The following SLC25A35 variants were observed in gnomAD, a reference collection of about 807,000 sequenced individuals.
SLC25A35 encodes solute carrier family 25, member 35.
Under a neutral mutation model 30.5 loss-of-function variants are expected in SLC25A35, and 32 were observed. The ratio of observed to expected loss-of-function variants is 1.05; its 90% CI spans 0.79 to 1.41. The LOEUF (loss-of-function observed/expected upper bound fraction) is 1.41. SLC25A35 is among the 40% of genes most tolerant of loss of function. The pLI, the probability that SLC25A35 is intolerant of heterozygous loss-of-function variation, is 0.00. For missense variants in SLC25A35, 369 were observed against 388.0 expected, an observed-to-expected ratio of 0.95 and a Z score of 0.41; for synonymous variants, 142 against 158.1, an observed-to-expected ratio of 0.90 and a Z score of 0.77.
downstream of SLC25A35, chr17:8,289,113 G>C (rs751803347): frequency 1.4e-5 from 22 of 1,606,656 alleles, no homozygotes; most frequent in Non-Finnish European, 1.9e-5. Flanking sequence ...CAGGGGCGGG[G>C]TCGGACCAGT....
chr17:8,289,560 G>T, downstream of SLC25A35: 1 of 1,613,718 alleles, frequency 6.2e-7, no homozygotes, highest in Non-Finnish European at 8.5e-7. Context: ...GTACCAGACT[G>T]ATCTCTTGCT....
In SLC25A35 at chr17:8,291,414, G is replaced by C. The variant is rs1347569559; in HGVS notation, c.513C>G (p.Gly171=). 2 of 1,614,178 alleles carry C rather than the reference G, an allele frequency of 1.2e-6. No homozygotes were observed. Among genetic ancestry groups the C allele is most frequent in the Admixed American group, 3.3e-5 (2 of 60,028 alleles). Residue 171 remains glycine (G), a synonymous_variant, in exon 3 of 5, where the codon GGC becomes GGG. Transcript: ENST00000577745. ...AACCGACGATAACTCGGGGCAGGCC[G>C]CCCAGAGCCCCACGCCATAACCCCA... The part of the protein sequence containing the change: ...GLVGLWRGAL[G]GLPRVIVGSS...
downstream of SLC25A35, chr17:8,289,078 G>A (rs762656956): frequency 1.5e-5 from 25 of 1,613,118 alleles, no homozygotes; most frequent in Non-Finnish European, 2.0e-5. Context: ...GCGCGGTGAG[G>A]GAATGGCCCC....
At chr17:8,288,845 C>T (rs1990241654), downstream of SLC25A35, 16 of 1,614,240 alleles carry the variant, frequency 9.9e-6, no homozygotes, top group Non-Finnish European at 1.3e-5. Context: ...CCATCCTCCC[C>T]ATGGGGGCCA....
chr17:8,291,554 C>G, intron 2 of SLC25A35, 69 bp from the exon 3 acceptor site: 1 of 1,512,020 alleles, frequency 6.6e-7, no homozygotes. Flanking sequence ...CTAACACTGC[C>G]AAGGATGGGT....
downstream of SLC25A35, chr17:8,289,301 G>A (rs1990291243): frequency 1.8e-5 from 29 of 1,614,068 alleles, no homozygotes; most frequent in Non-Finnish European, 2.4e-5. Context: ...GGCTAGGGCT[G>A]TCCATGTGGA....
At chr17:8,291,244 G>T (rs1990474323) in intron 3 of SLC25A35, 89 bp downstream of exon 3, 1 of 1,553,944 alleles carries the variant, frequency 6.4e-7, no homozygotes, top group African/African-American at 1.4e-5. Flanking sequence ...ACCTGTGAAT[G>T]TTGGGCACCA....
At chr17:8,289,498 C>G, downstream of SLC25A35, 1 of 1,614,192 alleles carries the variant, frequency 6.2e-7, no homozygotes, top group East Asian at 2.2e-5. Context: ...CTCTGATCCC[C>G]TTAGGTAGCA....
At chr17:8,289,252 C>T (rs766205178), downstream of SLC25A35, 9 of 1,613,368 alleles carry the variant, frequency 5.6e-6, no homozygotes, top group Non-Finnish European at 7.6e-6. Flanking sequence ...CGCTTCCCTA[C>T]TCCAGGTACC....
chr17:8,294,649 G>A lies in SLC25A35; in HGVS notation c.159C>T (p.Ile53=), dbSNP rs1472830277. Residue 53 remains isoleucine, a synonymous_variant, in exon 1 of 5, where the codon ATC becomes ATT. Coordinates refer to ENST00000577745, the MANE Select transcript of SLC25A35 (RefSeq NM_001320870.2). The part of the protein sequence containing the change: ...YRNVFHAFIT[I]GKVDGLAALQ... ...GGGCAGCAAGGCCATCCACCTTGCC[G>A]ATGGTGATGAAGGCATGGAAGACAT... The A allele has an allele frequency of 1.2e-6, 2 of 1,614,216 alleles. No homozygotes were observed. Among genetic ancestry groups the A allele is most frequent in the East Asian group, 2.2e-5 (1 of 44,870 alleles).
downstream of SLC25A35, chr17:8,288,779 C>G: frequency 6.2e-7 from 1 of 1,614,010 alleles, no homozygotes; most frequent in Non-Finnish European, 8.5e-7. Flanking sequence ...CATAACCCAG[C>G]CTCAGACCCA....
chr17:8,288,847 T>C (rs900647124), downstream of SLC25A35: 5 of 1,614,088 alleles, frequency 3.1e-6, no homozygotes, highest in Non-Finnish European at 4.2e-6. Context: ...ATCCTCCCCA[T>C]GGGGGCCATT....
rs1392690029 is a variant in SLC25A35, at chr17:8,294,866, A to C, written c.-59T>G. 9.9e-6 allele frequency: 15 copies of C among 1,516,966 alleles called. No individual in the cohort carries two copies. Among genetic ancestry groups the C allele is most frequent in the Non-Finnish European group, 1.3e-5 (15 of 1,134,262 alleles). 94.0% of individuals were successfully genotyped at this position (1,516,966 alleles called of 1,614,324 possible). ...GTAAGAAAGTAAAAATGGGTGTCAG[A>C]AAGCGGGGTTGGAAGACAGGGGGAA... On this transcript the variant is annotated 5_prime_UTR_variant, in exon 1 of 5. Transcript: ENST00000577745.
chr17:8,291,556 AG>A, intron 2 of SLC25A35, 71 bp from the exon 3 acceptor site: 1 of 1,514,806 alleles, frequency 6.6e-7, no homozygotes. Flanking sequence ...AACACTGCCA[AG>A]GATGGGTCCT....
chr17:8,294,128 G>T (rs1032429129), intron 1 of SLC25A35, among the ~76,000 whole-genome samples: 1 of 151,440 alleles, frequency 6.6e-6, no homozygotes, highest in African/African-American at 2.4e-5. Context: ...TGTTAGCCAG[G>T]ATGGTCTCCA....
chr17:8,288,995 C>G, downstream of SLC25A35: 1 of 1,614,160 alleles, frequency 6.2e-7, no homozygotes, highest in Non-Finnish European at 8.5e-7. Flanking sequence ...AAGTTTTCTG[C>G]CATCCCGTGA....
intron 2 of SLC25A35, among the ~76,000 whole-genome samples, chr17:8,291,968 G>T (rs539096803): frequency 6.6e-6 from 1 of 152,332 alleles, no homozygotes; most frequent in South Asian, 2.1e-4. Context: ...CGGATCACAA[G>T]TTCAGGAGTT....
Position 8,295,273 on chromosome 17 carries a change from T to A in SLC25A35, c.-466A>T. The A allele has an allele frequency of 1.0e-6, 1 of 987,904 alleles. No individual in the cohort carries two copies. Among genetic ancestry groups the A allele is most frequent in the Non-Finnish European group, 1.2e-6 (1 of 831,676 alleles). 61.2% of individuals were successfully genotyped at this position (987,904 alleles called of 1,614,324 possible). A position where few individuals can be genotyped will look rare whatever the true frequency, so the allele number is the denominator to read the frequency against. On this transcript the variant is annotated 5_prime_UTR_variant, in exon 1 of 5. Transcript: ENST00000577745. ...CCTCGAGCCAGCAACGAGATCTCGA[T>A]CCGAGAAAGAAGTCAGGACTCTGGC...
downstream of SLC25A35, chr17:8,289,982 G>C (rs1175151899): frequency 6.2e-7 from 1 of 1,612,330 alleles, no homozygotes; most frequent in Non-Finnish European, 8.5e-7. Flanking sequence ...TGGGGACTCG[G>C]TTCTGTGAGG....
Sources: gnomAD v4.1 joint callset for allele counts (sites outside exome capture counted in the v4.1 genomes callset) on GRCh38, gnomAD v4.1.1 for gene constraint, MANE v1.5 for transcripts, NCBI Gene and HGNC (gene_info 2026-07-23, HGNC 2026-07-21) for gene names.